NXPH2: variants seen among roughly 807,000 people sequenced by gnomAD.
The protein encoded by NXPH2 is neurexophilin-2.
NXPH2 carries 5 observed loss-of-function variants against 19.8 expected under a neutral mutation model. The ratio of observed to expected loss-of-function variants is 0.25; its 90% CI spans 0.13 to 0.53. NXPH2 has a LOEUF of 0.53. NXPH2 is among the 20% of genes least tolerant of loss of function. NXPH2 has a pLI of 0.96. For missense variants in NXPH2, 289 were observed against 322.8 expected, an observed-to-expected ratio of 0.90 and a Z score of 0.80; for synonymous variants, 154 against 127.4, an observed-to-expected ratio of 1.21 and a Z score of -1.41.
intron 1 of NXPH2, among the ~76,000 whole-genome samples, chr2:138,736,715 C>T (rs1485028649): frequency 2.6e-5 from 4 of 152,334 alleles, no homozygotes; most frequent in Middle Eastern, 6.8e-3. Context: ...TCTTTTCTAT[C>T]ACATTGTCAG....
At chr2:138,726,608 ATG>A (rs1681363746) in intron 1 of NXPH2, among the ~76,000 whole-genome samples, 1 of 151,606 alleles carries the variant, frequency 6.6e-6, no homozygotes, top group Non-Finnish European at 1.5e-5. Context: ...AGTCAATGAG[ATG>A]TGTGTGTTTT....
chr2:138,745,941 C>A (rs1681724110), intron 1 of NXPH2, among the ~76,000 whole-genome samples: 1 of 152,134 alleles, frequency 6.6e-6, no homozygotes, highest in African/African-American at 2.4e-5. Flanking sequence ...TGGGTGATAA[C>A]ACGGCTGGTG....
intron 1 of NXPH2, among the ~76,000 whole-genome samples, chr2:138,681,917 A>T (rs1008100109): frequency 6.6e-6 from 1 of 152,206 alleles, no homozygotes; most frequent in Non-Finnish European, 1.5e-5. Flanking sequence ...CACTGGGGTT[A>T]TTAATTTAAG....
chr2:138,676,544 G>T (rs1056934812), intron 1 of NXPH2, among the ~76,000 whole-genome samples: 2 of 152,118 alleles, frequency 1.3e-5, no homozygotes, highest in Non-Finnish European at 2.9e-5. Flanking sequence ...TCAGAGCACA[G>T]GATTTATTGC....
intron 1 of NXPH2, among the ~76,000 whole-genome samples, chr2:138,690,026 C>T (rs886846763): frequency 6.6e-6 from 1 of 152,132 alleles, no homozygotes; most frequent in Non-Finnish European, 1.5e-5. Flanking sequence ...GAAATGTAAA[C>T]TTCCCCTTAA....
intron 1 of NXPH2, among the ~76,000 whole-genome samples, chr2:138,774,485 A>G (rs1682228528): frequency 6.6e-6 from 1 of 152,248 alleles, no homozygotes; most frequent in South Asian, 2.1e-4. Flanking sequence ...ACATATATAT[A>G]CAGTAACTAA....
At chr2:138,753,075 C>T (rs907306248) in intron 1 of NXPH2, among the ~76,000 whole-genome samples, 1 of 152,102 alleles carries the variant, frequency 6.6e-6, no homozygotes, top group African/African-American at 2.4e-5. Flanking sequence ...GCACAGCCCA[C>T]GCTTAAGTTA....
chr2:138,770,668 T>C (rs1011169423), intron 1 of NXPH2, among the ~76,000 whole-genome samples: 6 of 152,038 alleles, frequency 3.9e-5, no homozygotes, highest in African/African-American at 1.2e-4. Flanking sequence ...TAAATAGTTT[T>C]CCTTACATTC....
chr2:138,684,230 G>A (rs1365948219), intron 1 of NXPH2, among the ~76,000 whole-genome samples: 2 of 152,026 alleles, frequency 1.3e-5, no homozygotes, highest in East Asian at 3.8e-4. Flanking sequence ...AATAAACCTA[G>A]GAATCTGGTC....
rs564743039 is a variant in NXPH2, at chr2:138,764,441, G to A, written c.51+15750C>T. Among the ~76,000 whole-genome samples, 20 of 152,196 alleles carry A rather than the reference G, an allele frequency of 1.3e-4. No homozygotes were observed. In the East Asian group the frequency reaches 3.5e-3, roughly 26 times the overall value. On this transcript the variant is annotated intron_variant, in intron 1 of 1. Transcript: ENST00000272641. ...TAGCTGGCCCATGGACCAGCATTTG[G>A]GAATCACTGAATCCAATCATCTCAA... is the stretch of plus-strand genomic sequence containing the variant.
intron 1 of NXPH2, among the ~76,000 whole-genome samples, chr2:138,687,413 T>C (rs1328882746): frequency 1.1e-4 from 16 of 152,208 alleles, no homozygotes; most frequent in Admixed American, 1.0e-3. Flanking sequence ...TTTTTTCTTG[T>C]AAATTTGTTT....
intron 1 of NXPH2, among the ~76,000 whole-genome samples, chr2:138,681,110 C>T (rs566706101): frequency 6.6e-6 from 1 of 152,194 alleles, no homozygotes; most frequent in African/African-American, 2.4e-5. Flanking sequence ...GACAGTTAAC[C>T]CTTTGTCATG....
At chr2:138,740,148 G>A (rs113388446) in intron 1 of NXPH2, among the ~76,000 whole-genome samples, 12 of 152,204 alleles carry the variant, frequency 7.9e-5, no homozygotes, top group African/African-American at 2.9e-4. Context: ...GGCCACCAAT[G>A]ACCTGGCCAC....
chr2:138,712,163 G>C (rs1327470429), intron 1 of NXPH2, among the ~76,000 whole-genome samples: 2 of 152,180 alleles, frequency 1.3e-5, no homozygotes, highest in Non-Finnish European at 2.9e-5. Flanking sequence ...GTGTGCACGT[G>C]CATCGCAGAA....
At chr2:138,700,251 C>A (rs1269830812) in intron 1 of NXPH2, among the ~76,000 whole-genome samples, 1 of 152,178 alleles carries the variant, frequency 6.6e-6, no homozygotes, top group Non-Finnish European at 1.5e-5. Context: ...ACATTATGTA[C>A]AGCTTTTCCT....
At position 138,690,823 on chromosome 2, in the gene NXPH2, A is replaced by G. The variant is rs542871827; in HGVS notation, c.52-19158T>C. 1.1e-4 allele frequency among the ~76,000 whole-genome samples: 16 copies of G among 152,346 alleles called. 1 individual carries two copies. The South Asian group carries it at 2.5e-3, about 24-fold the overall frequency. On this transcript the variant is annotated intron_variant, in intron 1 of 1. Transcript: ENST00000272641. Reference sequence around the variant, plus strand: ...GTAGTGTCTAGAGGAGACCAACAGAAACCTTGTAAACAAATGCATTCAGAA... The same window carrying G: ...GTAGTGTCTAGAGGAGACCAACAGAGACCTTGTAAACAAATGCATTCAGAA...
At chr2:138,699,688 A>G (rs933083888) in intron 1 of NXPH2, among the ~76,000 whole-genome samples, 7 of 152,140 alleles carry the variant, frequency 4.6e-5, no homozygotes, top group Admixed American at 1.3e-4. Flanking sequence ...ATGCTAGCAC[A>G]AGGGACACAT....
At chr2:138,684,822 C>G (rs1236645641) in intron 1 of NXPH2, among the ~76,000 whole-genome samples, 1 of 152,202 alleles carries the variant, frequency 6.6e-6, no homozygotes, top group Non-Finnish European at 1.5e-5. Flanking sequence ...CAGAGTCATG[C>G]TCCCTTCATT....
intron 1 of NXPH2, among the ~76,000 whole-genome samples, chr2:138,768,506 A>G (rs1309486142): frequency 6.6e-6 from 1 of 152,234 alleles, no homozygotes; most frequent in Non-Finnish European, 1.5e-5. Context: ...CTCAACCAGA[A>G]CACAGCATCT....
Sources: allele counts gnomAD v4.1 joint callset (sites outside exome capture counted in the v4.1 genomes callset), GRCh38; gene constraint gnomAD v4.1.1; transcripts MANE v1.5; gene names NCBI Gene and HGNC (gene_info 2026-07-23, HGNC 2026-07-21).